The following MAP3K19 variants were observed in gnomAD, a reference collection of about 807,000 sequenced individuals.
The protein encoded by MAP3K19 is mitogen-activated protein kinase kinase kinase 19.
A neutral mutation model predicts 114.4 loss-of-function variants in MAP3K19; 91 were observed. That is an observed-to-expected ratio of 0.80 (90% CI 0.67 to 0.95). MAP3K19 has a LOEUF of 0.95. Among genes scored for constraint, MAP3K19 ranks in the 40% least tolerant of loss-of-function variants. The pLI is 0.00. For missense variants in MAP3K19, 1,471 were observed against 1,573.2 expected (o/e 0.94, Z 1.10); for synonymous variants, 518 against 530.5 (o/e 0.98, Z 0.32).
chr2:135,015,196 T>C (rs990569559), intron 5 of MAP3K19, among the ~76,000 whole-genome samples: 1 of 152,252 alleles, frequency 6.6e-6, no homozygotes, highest in African/African-American at 2.4e-5. Flanking sequence ...CCTACATCCT[T>C]GTCAACACTT....
chr2:134,984,665 A>T (rs1684963147), intron 10 of MAP3K19, among the ~76,000 whole-genome samples: 1 of 152,194 alleles, frequency 6.6e-6, no homozygotes, highest in Admixed American at 6.5e-5. Flanking sequence ...TAAAATAATT[A>T]TTCCTGGCTG....
intron 1 of MAP3K19, among the ~76,000 whole-genome samples, chr2:135,041,850 T>G (rs1025321498): frequency 6.6e-6 from 1 of 152,116 alleles, no homozygotes; most frequent in Non-Finnish European, 1.5e-5. Flanking sequence ...CAAGAAAAAG[T>G]CTAGATTTGC....
At chr2:134,979,648 T>G (rs996924635) in intron 12 of MAP3K19, among the ~76,000 whole-genome samples, 3 of 149,826 alleles carry the variant, frequency 2.0e-5, no homozygotes, top group African/African-American at 7.4e-5. Context: ...GCGGTTTTTT[T>G]TTTTTTTTTT....
At position 135,043,797 on chromosome 2, in the gene MAP3K19, C is replaced by G. The variant is rs1298077735; in HGVS notation, c.-423-3295G>C. Reference sequence around the variant, plus strand: ...TCACTAACCCTGGGCAACTGGTGATCTTTTTATTTCTCTGGGAGGCTCCCA... The same window carrying G: ...TCACTAACCCTGGGCAACTGGTGATGTTTTTATTTCTCTGGGAGGCTCCCA... On this transcript the variant is annotated intron_variant, in intron 1 of 12. Transcript: ENST00000392915. Among the ~76,000 whole-genome samples, 6 of 152,198 alleles carry G rather than the reference C, an allele frequency of 3.9e-5. No homozygotes were observed. In the East Asian group the frequency reaches 1.2e-3, roughly 29 times the overall value.
intron 10 of MAP3K19, among the ~76,000 whole-genome samples, chr2:134,984,134 T>C (rs1684919389): frequency 6.6e-6 from 1 of 152,200 alleles, no homozygotes; most frequent in African/African-American, 2.4e-5. Context: ...TTGAGAATTA[T>C]CTTTCACAAG....
At position 134,983,723 on chromosome 2, in the gene MAP3K19, T is replaced by TA. The variant is rs748394649; in HGVS notation, c.3174dup (p.Ile1059TyrfsTer7). 1 of 1,598,792 alleles carries TA rather than the reference T, an allele frequency of 6.3e-7. No individual in the cohort carries two copies. The highest frequency in any genetic ancestry group is 8.5e-7 in the Non-Finnish European group (1 of 1,175,754). On this transcript the variant is annotated frameshift_variant, in exon 11 of 13. Coordinates refer to ENST00000392915, the MANE Select transcript of MAP3K19 (RefSeq NM_025052.5). LOFTEE classifies it high-confidence loss of function. The stretch of plus-strand genomic sequence containing the variant: ...AGAATCTCACCCTTGGTCCATAGGA[T>TA]AGGTTCTTCAGACTTTAAACTATTT...
intron 11 of MAP3K19, 65 bp downstream of exon 11, chr2:134,983,611 A>C: frequency 6.4e-6 from 5 of 783,694 alleles, no homozygotes; most frequent in African/African-American, 5.3e-5. Flanking sequence ...GGGGAGTGGG[A>C]GGGGTGGAGG....
chr2:134,975,539 C>T (rs1684180065), intron 12 of MAP3K19, among the ~76,000 whole-genome samples: 1 of 152,068 alleles, frequency 6.6e-6, no homozygotes, highest in African/African-American at 2.4e-5. Context: ...GGGGTGATCC[C>T]CAGGGCCCTG....
chr2:134,987,667 A>C lies in MAP3K19; in HGVS notation c.1205T>G (p.Ile402Arg). Residue 402 changes from isoleucine to arginine, a missense_variant, in exon 10 of 13, where the codon ATA (isoleucine) becomes AGA (arginine). By Grantham distance (97) the Ile-to-Arg change is moderately conservative. Transcript: ENST00000392915. ...SKFQETQHSEITPSQDEEMRN... is the reference protein window; with the variant it reads ...SKFQETQHSERTPSQDEEMRN... Reference sequence around the variant, plus strand: ...CATCTCTTCATCCTGGCTTGGAGTTATTTCTGAATGCTGGGTTTCTTGGAA... The same window carrying C: ...CATCTCTTCATCCTGGCTTGGAGTTCTTTCTGAATGCTGGGTTTCTTGGAA... 6.2e-7 allele frequency: 1 copy of C among 1,613,850 alleles called. No individual in the cohort carries two copies. The highest frequency in any genetic ancestry group is 8.5e-7 in the Non-Finnish European group (1 of 1,180,020).
chr2:135,002,493 C>T (rs1686514408), intron 6 of MAP3K19, among the ~76,000 whole-genome samples: 1 of 151,230 alleles, frequency 6.6e-6, no homozygotes, highest in African/African-American at 2.4e-5. Flanking sequence ...CAATGAGGTC[C>T]TTGTTCTATT....
chr2:135,030,424 G>A lies in MAP3K19; in HGVS notation c.-207C>T, dbSNP rs1688353219. ...GAGTTGTCTTTGGATATTGCAATTA[G>A]CTACATGAATTGCGGTTCGATTGCT... On this transcript the variant is annotated 5_prime_UTR_variant, in exon 3 of 13. Coordinates refer to ENST00000392915, the MANE Select transcript of MAP3K19 (RefSeq NM_025052.5). 1 of 152,616 alleles carries A rather than the reference G, an allele frequency of 6.6e-6. No individual in the cohort carries two copies. The highest frequency in any genetic ancestry group is 2.1e-4 in the South Asian group (1 of 4,832). 9.5% of individuals were successfully genotyped at this position (152,616 alleles called of 1,614,324 possible). A position where few individuals can be genotyped will look rare whatever the true frequency, so the allele number is the denominator to read the frequency against.
rs74803876 is a variant in MAP3K19, at chr2:134,987,821, A to C, written c.1051T>G (p.Cys351Gly). ...IPAVREEDID[C>G]HGSKTRKPEE... The stretch of plus-strand genomic sequence containing the variant: ...GGTTTTCGCGTTTTACTACCATGGC[A>C]GTCAATATCCTCTTCCCTAACTGCA... The change falls in exon 10 of 13, where the codon TGC (cysteine) becomes GGC (glycine). Residue 351 changes from cysteine (C) to glycine (G), a missense_variant. By Grantham distance (159) the Cys-to-Gly change is radical. Transcript: ENST00000392915. The C allele has an allele frequency of 1.5e-3, 2,428 of 1,608,820 alleles. 32 individuals are homozygous for C. The African/African-American group carries it at 0.028, about 19-fold the overall frequency.
chr2:135,024,012 T>C (rs553162282), intron 4 of MAP3K19, among the ~76,000 whole-genome samples: 1 of 152,268 alleles, frequency 6.6e-6, no homozygotes, highest in East Asian at 1.9e-4. Context: ...AACTTTCAGT[T>C]CTAGTTTCTT....
intron 5 of MAP3K19, among the ~76,000 whole-genome samples, chr2:135,019,421 G>T (rs965492736): frequency 2.6e-5 from 4 of 152,202 alleles, no homozygotes; most frequent in African/African-American, 9.6e-5. Flanking sequence ...TGGCAATGGT[G>T]GCTCATGCCT....
intron 11 of MAP3K19, 111 bp downstream of exon 11, chr2:134,983,565 A>G (rs1351471788): frequency 1.4e-6 from 1 of 735,136 alleles, no homozygotes; most frequent in African/African-American, 1.8e-5. Context: ...TTCTAAGTAA[A>G]AGAGTGCTTG....
intron 2 of MAP3K19, among the ~76,000 whole-genome samples, chr2:135,032,717 A>G (rs1574053339): frequency 6.8e-6 from 1 of 146,248 alleles, no homozygotes; most frequent in East Asian, 2.0e-4. Flanking sequence ...CAGATAAACA[A>G]GTGAACAAAG....
In MAP3K19 at chr2:134,968,354, C is replaced by T. The variant is rs1258344294; in HGVS notation, c.3921-3438G>A. On this transcript the variant is annotated intron_variant, in intron 12 of 12. Coordinates refer to ENST00000392915, the MANE Select transcript of MAP3K19 (RefSeq NM_025052.5). ...CAAAACCGCCATTGTCATCATGGCC[C>T]GTTCTCAATGAGCTGTTGGGTACAC... Among the ~76,000 whole-genome samples, 22 of 151,518 alleles carry T rather than the reference C, an allele frequency of 1.5e-4. 1 individual carries two copies. Among genetic ancestry groups the T allele is most frequent in the African/African-American group, 5.1e-4 (21 of 41,090 alleles).
At chr2:134,973,194 T>C (rs1027051731) in intron 12 of MAP3K19, among the ~76,000 whole-genome samples, 1 of 152,202 alleles carries the variant, frequency 6.6e-6, no homozygotes, top group African/African-American at 2.4e-5. Flanking sequence ...GATGTTTTGT[T>C]TAGATGATCT....
chr2:134,997,083 C>CA (rs1277976333), intron 8 of MAP3K19, among the ~76,000 whole-genome samples: 1 of 151,894 alleles, frequency 6.6e-6, no homozygotes, highest in Non-Finnish European at 1.5e-5. Context: ...AAACAAAAAA[C>CA]AAAAAAACGC....
Sources: gnomAD v4.1 joint callset for allele counts (sites outside exome capture counted in the v4.1 genomes callset) on GRCh38, gnomAD v4.1.1 for gene constraint, MANE v1.5 for transcripts, NCBI Gene and HGNC (gene_info 2026-07-23, HGNC 2026-07-21) for gene names.